Variants in SH3RF3 observed in about 807,000 individuals in gnomAD.
The protein encoded by SH3RF3 is SH3 domain containing ring finger 3, also known as E3 ubiquitin-protein ligase SH3RF3.
In SH3RF3, 29 loss-of-function variants were observed where a neutral mutation model predicts 66.3. The ratio of observed to expected loss-of-function variants is 0.44; its 90% CI spans 0.33 to 0.60. The LOEUF is 0.60. SH3RF3 is among the 20% of genes least tolerant of loss of function. SH3RF3 has a pLI of 0.04. For synonymous variants in SH3RF3, 583 were observed against 532.0 expected, an observed-to-expected ratio of 1.10 and a Z score of -1.32; for missense variants, 1,194 against 1,190.9, an observed-to-expected ratio of 1.00 and a Z score of -0.04.
intron 8 of SH3RF3, among the ~76,000 whole-genome samples, chr2:109,457,351 CAAGT>C (rs1281124867): frequency 6.6e-6 from 1 of 152,186 alleles, no homozygotes; most frequent in Admixed American, 6.5e-5. Context: ...GAAGGGAACT[CAAGT>C]AAACTATTAT....
At chr2:109,418,506 G>T (rs1489979657) in intron 4 of SH3RF3, among the ~76,000 whole-genome samples, 1 of 152,082 alleles carries the variant, frequency 6.6e-6, no homozygotes, top group South Asian at 2.1e-4. Flanking sequence ...TCGGCTTGTG[G>T]ATGCATCACT....
chr2:109,439,605 T>G (rs1248654301), intron 7 of SH3RF3, among the ~76,000 whole-genome samples: 6 of 152,020 alleles, frequency 3.9e-5, no homozygotes, highest in Non-Finnish European at 8.8e-5. Flanking sequence ...ATATGATTTG[T>G]TCTACTTGAT....
rs923898693 is a variant in SH3RF3, at chr2:109,129,983, C to T, written c.443C>T (p.Thr148Met). 15 of 1,300,548 alleles carry T rather than the reference C, an allele frequency of 1.2e-5. No homozygotes were observed. The Admixed American group carries it at 2.1e-4, about 18-fold the overall frequency. The allele number at this position is 1,300,548 out of a possible 1,614,324, so 80.6% of individuals were successfully genotyped here. ...RPIPGQSAAPTLAGGGGGAAG... is the reference protein window; with the variant it reads ...RPIPGQSAAPMLAGGGGGAAG... ...ATCCCAGGCCAGAGTGCGGCCCCCA[C>T]GCTCGCGGGCGGCGGGGGCGGCGCG... Residue 148 changes from threonine (T) to methionine (M), a missense_variant, in exon 1 of 10, where the codon ACG becomes ATG. Physicochemically the swap from Thr to Met is moderately conservative, Grantham distance 81 (BLOSUM62 -1). Transcript: ENST00000309415.
rs955325195 is a variant in SH3RF3, at chr2:109,503,385, G to C, written c.*1714G>C. The C allele has an allele frequency of 5.3e-5, 8 of 152,290 alleles. No individual in the cohort carries two copies. Among genetic ancestry groups the C allele is most frequent in the African/African-American group, 1.9e-4 (8 of 41,552 alleles). The allele number at this position is 152,290 out of a possible 1,614,324, so 9.4% of individuals were successfully genotyped here. A position where few individuals can be genotyped will look rare whatever the true frequency, so the allele number is the denominator to read the frequency against. On this transcript the variant is annotated 3_prime_UTR_variant, in exon 10 of 10. Coordinates refer to ENST00000309415, the MANE Select transcript of SH3RF3 (RefSeq NM_001099289.3). Reference sequence around the variant, plus strand: ...ATTTTCAGAGTTCCTGTTTTGGGACGTGACTTGGCTACTTGTTACTTCCAG... The same window carrying C: ...ATTTTCAGAGTTCCTGTTTTGGGACCTGACTTGGCTACTTGTTACTTCCAG...
chr2:109,450,914 A>T (rs1677848936), intron 8 of SH3RF3, among the ~76,000 whole-genome samples: 1 of 152,194 alleles, frequency 6.6e-6, no homozygotes, highest in Non-Finnish European at 1.5e-5. Context: ...TGGACACTAG[A>T]TGGTGTGTTC....
At position 109,181,557 on chromosome 2, in the gene SH3RF3, A is replaced by G. The variant is rs190595921; in HGVS notation, c.573+51444A>G. On this transcript the variant is annotated intron_variant, in intron 1 of 9. Coordinates refer to ENST00000309415, the MANE Select transcript of SH3RF3 (RefSeq NM_001099289.3). The stretch of plus-strand genomic sequence containing the variant: ...GTTTCTTTATCCTCTGGTCCATGCC[A>G]CACTCCTACTTTCACCAGATTCCTC... 1.3e-4 allele frequency among the ~76,000 whole-genome samples: 20 copies of G among 152,306 alleles called. No homozygotes were observed. In the East Asian group the frequency reaches 3.7e-3, roughly 28 times the overall value.
intron 1 of SH3RF3, among the ~76,000 whole-genome samples, chr2:109,221,549 T>TTA (rs1679241667): frequency 7.3e-6 from 1 of 136,738 alleles, no homozygotes; most frequent in Non-Finnish European, 1.5e-5. Flanking sequence ...GCCAGTGCAC[T>TTA]CCAGCCTGGG....
At chr2:109,169,001 C>T (rs183334866) in intron 1 of SH3RF3, among the ~76,000 whole-genome samples, 1 of 152,274 alleles carries the variant, frequency 6.6e-6, no homozygotes, top group Admixed American at 6.5e-5. Flanking sequence ...AGAAAGGCAG[C>T]TCATGAGTTT....
chr2:109,227,252 A>G (rs888227190), intron 1 of SH3RF3, among the ~76,000 whole-genome samples: 3 of 152,180 alleles, frequency 2.0e-5, no homozygotes, highest in Non-Finnish European at 4.4e-5. Context: ...GGAAGGAGCT[A>G]AGAGAAAATT....
chr2:109,447,985 C>G (rs983747274), intron 7 of SH3RF3, among the ~76,000 whole-genome samples: 6 of 152,202 alleles, frequency 3.9e-5, no homozygotes, highest in East Asian at 3.9e-4. Flanking sequence ...TGGGCGGCTT[C>G]TCCTCCAGGC....
At chr2:109,349,668 G>A (rs959916897) in intron 2 of SH3RF3, among the ~76,000 whole-genome samples, 10 of 152,212 alleles carry the variant, frequency 6.6e-5, no homozygotes, top group Non-Finnish European at 8.8e-5. Context: ...CTGCAGAGCC[G>A]AGGCCCTCCT....
intron 1 of SH3RF3, among the ~76,000 whole-genome samples, chr2:109,255,818 T>C (rs1350691411): frequency 3.9e-5 from 6 of 152,266 alleles, no homozygotes; most frequent in Admixed American, 1.3e-4. Context: ...CGACTGTTTG[T>C]GCTTTTAATA....
chr2:109,416,497 G>T (rs1156692103), intron 4 of SH3RF3, among the ~76,000 whole-genome samples: 1 of 152,150 alleles, frequency 6.6e-6, no homozygotes, highest in Non-Finnish European at 1.5e-5. Flanking sequence ...CAATTTTCCT[G>T]CCTCAGCCTC....
intron 1 of SH3RF3, among the ~76,000 whole-genome samples, chr2:109,161,441 T>A (rs1188124574): frequency 6.6e-6 from 1 of 151,232 alleles, no homozygotes; most frequent in Admixed American, 6.6e-5. Context: ...TTCCTGATGG[T>A]CTGTTCTTCC....
At chr2:109,154,496 G>C (rs1383493493) in intron 1 of SH3RF3, among the ~76,000 whole-genome samples, 1 of 152,206 alleles carries the variant, frequency 6.6e-6, no homozygotes, top group African/African-American at 2.4e-5. Flanking sequence ...AGGCCTCGAG[G>C]CTTCCTCAGC....
intron 1 of SH3RF3, chr2:109,251,698 AT>A (rs999940319): frequency 1.9e-5 from 18 of 930,264 alleles, no homozygotes; most frequent in Non-Finnish European, 3.1e-5. Context: ...CATAGGTTCT[AT>A]TTTACTATGA....
chr2:109,316,840 T>C (rs1431129612), intron 1 of SH3RF3, among the ~76,000 whole-genome samples: 1 of 152,186 alleles, frequency 6.6e-6, no homozygotes, highest in African/African-American at 2.4e-5. Flanking sequence ...CTGCCGTGGG[T>C]CTTTGTACTG....
At position 109,398,784 on chromosome 2, in the gene SH3RF3, C is replaced by A; in HGVS notation, c.1140C>A (p.His380Gln). The part of the protein sequence containing the change: ...VDGKKNTKKR[H>Q]SFTALSVTHR... ...GCAAGAAGAACACCAAGAAACGCCA[C>A]TCCTTCACCGCGCTCAGTGTGACGC... Residue 380 changes from histidine (H) to glutamine (Q), a missense_variant, in exon 4 of 10, where the codon CAC (histidine) becomes CAA (glutamine). Coordinates refer to ENST00000309415, the MANE Select transcript of SH3RF3 (RefSeq NM_001099289.3). 6 of 1,613,830 alleles carry A rather than the reference C, an allele frequency of 3.7e-6. No homozygotes were observed. The highest frequency in any genetic ancestry group is 5.1e-6 in the Non-Finnish European group (6 of 1,179,838).
At chr2:109,402,667 C>G (rs1282657624) in intron 4 of SH3RF3, among the ~76,000 whole-genome samples, 2 of 152,220 alleles carry the variant, frequency 1.3e-5, no homozygotes, top group African/African-American at 4.8e-5. Context: ...TCTTGACTGA[C>G]AGGATGAATT....
Sources: allele counts gnomAD v4.1 joint callset (sites outside exome capture counted in the v4.1 genomes callset), GRCh38; gene constraint gnomAD v4.1.1; transcripts MANE v1.5; gene names NCBI Gene and HGNC (gene_info 2026-07-23, HGNC 2026-07-21).